TTC28: variants seen among roughly 807,000 people sequenced by gnomAD.
TTC28 encodes the protein tetratricopeptide repeat protein 28.
Under a neutral mutation model 198.0 loss-of-function variants are expected in TTC28, and 61 were observed. The observed-to-expected ratio is 0.31, with a 90% CI of 0.25 to 0.38. TTC28 has a LOEUF of 0.38. Among genes scored for constraint, TTC28 ranks in the 10% least tolerant of loss-of-function variants. The pLI, the probability that TTC28 is intolerant of heterozygous loss-of-function variation, is 1.00. For missense variants in TTC28, 2,678 were observed against 3,164.0 expected, an observed-to-expected ratio of 0.85 and a Z score of 3.69; for synonymous variants, 1,171 against 1,297.8, an observed-to-expected ratio of 0.90 and a Z score of 2.10.
At chr22:28,089,342 T>G (rs936375913) in intron 12 of TTC28, among the ~76,000 whole-genome samples, 6 of 151,952 alleles carry the variant, frequency 3.9e-5, no homozygotes, top group South Asian at 2.1e-4. Context: ...CCATAAAAAA[T>G]GATGAGTTCA....
At chr22:28,331,315 A>T (rs1214454506) in intron 2 of TTC28, among the ~76,000 whole-genome samples, 5 of 152,090 alleles carry the variant, frequency 3.3e-5, no homozygotes, top group East Asian at 3.9e-4. Context: ...GTTTCCTTTT[A>T]AAAAAGTATA....
At chr22:28,042,173 G>A (rs990691949) in intron 12 of TTC28, among the ~76,000 whole-genome samples, 19 of 152,226 alleles carry the variant, frequency 1.2e-4, no homozygotes, top group Admixed American at 1.1e-3. Flanking sequence ...ACAGTGTGGC[G>A]ATTCCTCAAG....
At chr22:28,250,231 A>G (rs1248147022) in intron 5 of TTC28, among the ~76,000 whole-genome samples, 1 of 152,182 alleles carries the variant, frequency 6.6e-6, no homozygotes, top group Admixed American at 6.5e-5. Flanking sequence ...CACGCTGACC[A>G]CTTCAGTGTG....
chr22:28,550,649 A>C (rs2049650349), intron 2 of TTC28, among the ~76,000 whole-genome samples: 1 of 152,198 alleles, frequency 6.6e-6, no homozygotes, highest in Non-Finnish European at 1.5e-5. Flanking sequence ...TGAAACATTA[A>C]AAAGTACCAT....
intron 13 of TTC28, among the ~76,000 whole-genome samples, chr22:28,028,501 T>C (rs1431839067): frequency 2.6e-5 from 4 of 152,154 alleles, no homozygotes; most frequent in African/African-American, 7.2e-5. Flanking sequence ...TTTTCTTCCA[T>C]AGTGCTGAGG....
intron 12 of TTC28, among the ~76,000 whole-genome samples, chr22:28,065,603 T>A (rs1940718644): frequency 6.6e-6 from 1 of 152,248 alleles, no homozygotes; most frequent in Non-Finnish European, 1.5e-5. Context: ...ACAGCTCTGC[T>A]GCTGCAATAC....
chr22:28,012,078 C>A (rs138669), intron 14 of TTC28, among the ~76,000 whole-genome samples: 12,084 of 152,086 alleles, frequency 0.079, 509 homozygotes, highest in South Asian at 0.091. Context: ...GGCCTCAGGG[C>A]GAGCAGGAGG....
chr22:28,364,469 T>C (rs2046211860), intron 2 of TTC28, among the ~76,000 whole-genome samples: 1 of 152,162 alleles, frequency 6.6e-6, no homozygotes, highest in South Asian at 2.1e-4. Context: ...ATTTAAAAAA[T>C]ACATTTTGTG....
At chr22:28,346,172 A>T (rs1236437217) in intron 2 of TTC28, among the ~76,000 whole-genome samples, 1 of 152,222 alleles carries the variant, frequency 6.6e-6, no homozygotes, top group African/African-American at 2.4e-5. Context: ...AAATTGCCCA[A>T]GGCCATAAGG....
Position 27,983,065 on chromosome 22 carries a change from C to G in TTC28, c.6602G>C (p.Ser2201Thr), listed in dbSNP as rs1201931025. ...NNPEDGVQAP[S>T]STAVFRASET... Reference sequence around the variant, plus strand: ...TGACGCTCTGAAGACAGCAGTGCTGCTGGGCGCCTGAACGCCGTCTTCAGG... The same window carrying G: ...TGACGCTCTGAAGACAGCAGTGCTGGTGGGCGCCTGAACGCCGTCTTCAGG... The change falls in exon 23 of 23, where the codon AGC becomes ACC. Residue 2201 changes from serine (S) to threonine (T), a missense_variant. Coordinates refer to ENST00000397906, the MANE Select transcript of TTC28 (RefSeq NM_001145418.2). The G allele has an allele frequency of 2.6e-6, 4 of 1,551,730 alleles. No homozygotes were observed. Among genetic ancestry groups the G allele is most frequent in the Non-Finnish European group, 3.5e-6 (4 of 1,147,000 alleles).
intron 5 of TTC28, among the ~76,000 whole-genome samples, chr22:28,214,954 A>G (rs1184627641): frequency 6.6e-6 from 1 of 152,176 alleles, no homozygotes; most frequent in Non-Finnish European, 1.5e-5. Flanking sequence ...ATGCAGCCAT[A>G]AAAAAGGATG....
intron 12 of TTC28, among the ~76,000 whole-genome samples, chr22:28,070,613 C>T (rs1005976710): frequency 2.0e-5 from 3 of 152,044 alleles, no homozygotes; most frequent in African/African-American, 7.2e-5. Context: ...GAAACTCCAC[C>T]TCTACAAAAA....
intron 1 of TTC28, among the ~76,000 whole-genome samples, chr22:28,638,096 C>T (rs1843598258): frequency 6.6e-6 from 1 of 152,096 alleles, no homozygotes; most frequent in Non-Finnish European, 1.5e-5. Context: ...GACAGCAATA[C>T]TGTGATAGTG....
intron 3 of TTC28, among the ~76,000 whole-genome samples, chr22:28,304,168 C>T (rs1389900797): frequency 6.6e-6 from 1 of 151,976 alleles, no homozygotes; most frequent in East Asian, 1.9e-4. Flanking sequence ...GCCTGTAGTC[C>T]CAGCTACTCA....
intron 2 of TTC28, among the ~76,000 whole-genome samples, chr22:28,502,979 T>C (rs937557288): frequency 6.6e-6 from 1 of 152,214 alleles, no homozygotes; most frequent in Non-Finnish European, 1.5e-5. Context: ...TATTCTTTCA[T>C]ACTGCATCAC....
chr22:28,304,646 C>G (rs1462340594), intron 3 of TTC28, among the ~76,000 whole-genome samples: 1 of 152,044 alleles, frequency 6.6e-6, no homozygotes, highest in Non-Finnish European at 1.5e-5. Flanking sequence ...TTTCCAGCAG[C>G]GCAGGGAAGA....
At position 27,996,527 on chromosome 22, in the gene TTC28, C is replaced by A. The variant is rs561336257; in HGVS notation, c.5120-268G>T. On this transcript the variant is annotated intron_variant, in intron 16 of 22. Coordinates refer to ENST00000397906, the MANE Select transcript of TTC28 (RefSeq NM_001145418.2). ...TTGCAGAAAGGAGCCGAGGGAAGTG[C>A]AGTAGGAAAACCTGCCTTGTTTTCT... The A allele has an allele frequency of 3.1e-4, 131 of 427,816 alleles. No homozygotes were observed. The South Asian group carries it at 4.9e-3, about 16-fold the overall frequency. 26.5% of individuals were successfully genotyped at this position (427,816 alleles called of 1,614,324 possible).
intron 2 of TTC28, among the ~76,000 whole-genome samples, chr22:28,575,835 G>T (rs1437000754): frequency 6.6e-6 from 1 of 152,064 alleles, no homozygotes; most frequent in African/African-American, 2.4e-5. Context: ...AAATGTTACT[G>T]ATTTTTGTAT....
intron 2 of TTC28, among the ~76,000 whole-genome samples, chr22:28,332,733 T>C (rs2045636950): frequency 6.6e-6 from 1 of 152,118 alleles, no homozygotes; most frequent in South Asian, 2.1e-4. Flanking sequence ...ATCCTAACAA[T>C]TAAATGCAAC....
Sources: allele counts gnomAD v4.1 joint callset (sites outside exome capture counted in the v4.1 genomes callset), GRCh38; gene constraint gnomAD v4.1.1; transcripts MANE v1.5; gene names NCBI Gene and HGNC (gene_info 2026-07-23, HGNC 2026-07-21).